Variants in KDM8 observed in about 807,000 individuals in gnomAD.
The protein encoded by KDM8 is lysine demethylase 8, also known as bifunctional peptidase and arginyl-hydroxylase JMJD5.
KDM8 carries 35 observed loss-of-function variants against 46.9 expected under a neutral mutation model. The ratio of observed to expected loss-of-function variants is 0.75; its 90% CI spans 0.57 to 0.99. The LOEUF is 0.99. KDM8 is among the 50% of genes least tolerant of loss of function. The pLI is 0.00. For synonymous variants in KDM8, 232 were observed against 227.7 expected (o/e 1.02, Z -0.17); for missense variants, 475 against 537.0 (o/e 0.88, Z 1.14).
intron 5 of KDM8, 74 bp downstream of exon 5, chr16:27,216,063 G>A (rs1021290157): frequency 6.6e-5 from 99 of 1,506,704 alleles, no homozygotes; most frequent in Middle Eastern, 1.7e-4. Context: ...GGCTCAGTGC[G>A]GCTGGAGCAG....
chr16:27,204,379 C>A, intron 1 of KDM8: 1 of 1,288,812 alleles, frequency 7.8e-7, no homozygotes, highest in Non-Finnish European at 9.9e-7. Context: ...AGACTGTGTG[C>A]CCCTTAGAGA....
At chr16:27,213,349 A>G in intron 2 of KDM8, 1 of 449,632 alleles carries the variant, frequency 2.2e-6, no homozygotes. Context: ...ATGTCTGTGA[A>G]AGCAGTTTAT....
In KDM8 at chr16:27,204,854, C is replaced by T. The variant is rs140406794; in HGVS notation, c.-32+1218C>T. Among the ~76,000 whole-genome samples, 58 of 152,254 alleles carry T rather than the reference C, an allele frequency of 3.8e-4. No homozygotes were observed. In the East Asian group the frequency reaches 0.011, roughly 28 times the overall value. On this transcript the variant is annotated intron_variant, in intron 1 of 7. Transcript: ENST00000286096. ...CCAGCCTGACCAACATGGCGCAACC[C>T]CGTCTCTACTAAAAATAAAAAATTA...
intron 1 of KDM8, among the ~76,000 whole-genome samples, chr16:27,207,779 C>A (rs1033481798): frequency 5.3e-5 from 8 of 152,154 alleles, no homozygotes; most frequent in Admixed American, 3.3e-4. Context: ...GAGACAGGGT[C>A]TTTACATGTT....
chr16:27,206,267 G>A (rs918381592), intron 1 of KDM8: 18 of 961,986 alleles, frequency 1.9e-5, no homozygotes, highest in African/African-American at 7.1e-5. Context: ...TTTTGTGTGC[G>A]TGTGCTTTTT....
chr16:27,205,066 A>T (rs967245101), intron 1 of KDM8, among the ~76,000 whole-genome samples: 2 of 152,154 alleles, frequency 1.3e-5, no homozygotes, highest in African/African-American at 4.8e-5. Flanking sequence ...TCCTAGGATG[A>T]CAGGGCAGTG....
chr16:27,216,063 G>C, intron 5 of KDM8, 74 bp downstream of exon 5: 2 of 1,506,826 alleles, frequency 1.3e-6, no homozygotes, highest in Non-Finnish European at 1.8e-6. Context: ...GGCTCAGTGC[G>C]GCTGGAGCAG....
chr16:27,204,360 C>T, intron 1 of KDM8: 1 of 1,345,332 alleles, frequency 7.4e-7, no homozygotes, highest in Non-Finnish European at 9.5e-7. Context: ...CACGGACGAC[C>T]CAAACACAAG....
chr16:27,214,571 G>C (rs972136379), intron 3 of KDM8: 2 of 333,422 alleles, frequency 6.0e-6, no homozygotes, highest in African/African-American at 4.1e-5. Context: ...TCTCAGCTTA[G>C]TGACAAAATG....
In KDM8 at chr16:27,216,075, G is replaced by A. The variant is rs967952723; in HGVS notation, c.843+86G>A. ...CTGGGCTCAGTGCGGCTGGAGCAGT[G>A]AGCGTGAGTAGGAGGGAGGCAGCAG... is the stretch of plus-strand genomic sequence containing the variant. On this transcript the variant is annotated intron_variant, in intron 5 of 7. Transcript: ENST00000286096. 18 of 1,431,644 alleles carry A rather than the reference G, an allele frequency of 1.3e-5. No individual in the cohort carries two copies. The African/African-American group carries it at 2.2e-4, about 18-fold the overall frequency. The allele number at this position is 1,431,644 out of a possible 1,614,324, so 88.7% of individuals were successfully genotyped here. A position where few individuals can be genotyped will look rare whatever the true frequency, so the allele number is the denominator to read the frequency against.
At chr16:27,217,202 G>A (rs973916017) in intron 5 of KDM8, among the ~76,000 whole-genome samples, 4 of 152,122 alleles carry the variant, frequency 2.6e-5, no homozygotes, top group South Asian at 2.1e-4. Flanking sequence ...CCTACAGGAC[G>A]CTCAGGGACT....
chr16:27,211,028 C>T (rs144800520), intron 2 of KDM8: 69 of 403,174 alleles, frequency 1.7e-4, no homozygotes, highest in African/African-American at 7.5e-4. Flanking sequence ...GTCCTCCTGT[C>T]GTGGCCTCCC....
At chr16:27,203,920 TA>T (rs1002473799) in intron 1 of KDM8, 2 of 534,696 alleles carry the variant, frequency 3.7e-6, no homozygotes, top group African/African-American at 4.0e-5. Context: ...GGCAGGCCCT[TA>T]CGGCGGGCTG....
Position 27,214,971 on chromosome 16 carries a change from C to T in KDM8, c.761C>T (p.Thr254Met), listed in dbSNP as rs1391041013. Residue 254 changes from threonine (T) to methionine (M), a missense_variant, in exon 4 of 8, where the codon ACG (threonine) becomes ATG (methionine). Thr to Met is a moderately conservative substitution (Grantham distance 81). Coordinates refer to ENST00000286096, the MANE Select transcript of KDM8 (RefSeq NM_024773.3). The stretch of plus-strand genomic sequence containing the variant: ...GAGGAATGGTCCCAGACCCTCATGA[C>T]GGTCAACGAGTTCATCAGCAAATAC... ...TDEEWSQTLM[T>M]VNEFISKYIV... The T allele has an allele frequency of 1.4e-5, 22 of 1,613,978 alleles. No individual in the cohort carries two copies. Among genetic ancestry groups the T allele is most frequent in the East Asian group, 4.5e-5 (2 of 44,898 alleles).
In KDM8 at chr16:27,219,002, C is replaced by T. The variant is rs745896760; in HGVS notation, c.885C>T (p.Cys295=). Residue 295 remains cysteine, a synonymous_variant, in exon 6 of 8, where the codon TGC becomes TGT. Transcript: ENST00000286096. ...LKQDISIPDY[C]SLGDGEEEEI... ...AGGACATCAGCATCCCCGACTACTG[C>T]AGCCTGGGCGATGGGGAGGAGGAGG... 3.1e-6 allele frequency: 5 copies of T among 1,614,008 alleles called. No homozygotes were observed. The highest frequency in any genetic ancestry group is 2.7e-5 in the African/African-American group (2 of 74,924).
intron 6 of KDM8, among the ~76,000 whole-genome samples, chr16:27,219,567 A>G (rs991339770): frequency 1.3e-5 from 2 of 152,048 alleles, no homozygotes; most frequent in Non-Finnish European, 2.9e-5. Context: ...CTGTAAGACC[A>G]CCCTGGTTTT....
intron 2 of KDM8, among the ~76,000 whole-genome samples, chr16:27,212,186 G>C (rs1487100332): frequency 1.3e-5 from 2 of 152,190 alleles, no homozygotes; most frequent in African/African-American, 4.8e-5. Flanking sequence ...GAAGGAAATA[G>C]ATCTGTTAAA....
chr16:27,213,962 G>A (rs2083517224), intron 3 of KDM8: 1 of 535,102 alleles, frequency 1.9e-6, no homozygotes, highest in Middle Eastern at 5.0e-4. Context: ...CTTCTACCTT[G>A]CTCGCCTTAA....
chr16:27,210,469 GT>G lies in KDM8; in HGVS notation c.347del (p.Val116GlyfsTer13). On this transcript the variant is annotated frameshift_variant, in exon 2 of 8. Transcript: ENST00000286096. LOFTEE classifies it high-confidence loss of function. Reference protein sequence around the residue: ...LCQAPEDANTVAAALRVCDMG... With the variant: ...LCQAPEDANTXAAALRVCDMG... ...CCAGGCACCTGAGGATGCCAACACT[GT>G]GGCCGCAGCCCTGCGGGTCTGTGAC... The G allele has an allele frequency of 6.3e-7, 1 of 1,590,004 alleles. No individual in the cohort carries two copies. Among genetic ancestry groups the G allele is most frequent in the Non-Finnish European group, 8.6e-7 (1 of 1,164,040 alleles).
Sources: allele counts gnomAD v4.1 joint callset (sites outside exome capture counted in the v4.1 genomes callset), GRCh38; gene constraint gnomAD v4.1.1; transcripts MANE v1.5; gene names NCBI Gene and HGNC (gene_info 2026-07-23, HGNC 2026-07-21).